Variants in WLS observed in about 807,000 individuals in gnomAD.
The protein encoded by WLS is protein wntless homolog.
In WLS, 23 loss-of-function variants were observed where a neutral mutation model predicts 62.8. The ratio of observed to expected loss-of-function variants is 0.37; its 90% CI spans 0.26 to 0.52. The LOEUF is 0.52. WLS is among the 20% of genes least tolerant of loss of function. The pLI, the probability that WLS is intolerant of heterozygous loss-of-function variation, is 0.92. For synonymous variants in WLS, 246 were observed against 244.1 expected (o/e 1.01, Z -0.07); for missense variants, 615 against 697.3 (o/e 0.88, Z 1.33).
intron 1 of WLS, among the ~76,000 whole-genome samples, chr1:68,213,005 GT>G (rs1395019860): frequency 1.3e-5 from 2 of 152,260 alleles, no homozygotes; most frequent in East Asian, 3.9e-4. Flanking sequence ...CTAATGATAG[GT>G]AACCTAACAT....
At chr1:68,215,108 T>C (rs969788122) in intron 1 of WLS, among the ~76,000 whole-genome samples, 2 of 152,138 alleles carry the variant, frequency 1.3e-5, no homozygotes, top group African/African-American at 4.8e-5. Context: ...TTAAGGCACA[T>C]GGACTGAGAG....
chr1:68,144,537 A>T (rs563936062), intron 10 of WLS, 32 bp downstream of exon 10: 55 of 1,600,276 alleles, frequency 3.4e-5, no homozygotes, highest in Non-Finnish European at 4.5e-5. Flanking sequence ...CTGCAGAGAC[A>T]TTCTCACCTT....
At chr1:68,205,895 T>A (rs963573182) in intron 1 of WLS, among the ~76,000 whole-genome samples, 1 of 152,194 alleles carries the variant, frequency 6.6e-6, no homozygotes, top group African/African-American at 2.4e-5. Flanking sequence ...GTGAATCACA[T>A]ATGAAAGTTC....
chr1:68,147,173 G>A (rs1646763359), intron 8 of WLS, among the ~76,000 whole-genome samples: 1 of 152,172 alleles, frequency 6.6e-6, no homozygotes, highest in South Asian at 2.1e-4. Context: ...CTGGAATGAA[G>A]GGAATATAGT....
chr1:68,186,501 T>TAAAA, intron 2 of WLS: 1 of 355,622 alleles, frequency 2.8e-6, no homozygotes, highest in Non-Finnish European at 5.6e-6. Flanking sequence ...CACGAAAAGT[T>TAAAA]AAAAAAAAAA....
At chr1:68,131,474 G>A (rs1388559559) in intron 11 of WLS, among the ~76,000 whole-genome samples, 1 of 151,802 alleles carries the variant, frequency 6.6e-6, no homozygotes, top group Non-Finnish European at 1.5e-5. Flanking sequence ...TGGCTTTGGT[G>A]GACAGGGTTA....
chr1:68,159,289 A>T (rs772299185), intron 2 of WLS, 42 bp from the exon 3 acceptor site: 11 of 1,595,214 alleles, frequency 6.9e-6, no homozygotes, highest in African/African-American at 1.4e-5. Flanking sequence ...GACTTTTGGA[A>T]AGATATTTTA....
chr1:68,129,255 G>A (rs1417398022), intron 11 of WLS, among the ~76,000 whole-genome samples: 1 of 152,194 alleles, frequency 6.6e-6, no homozygotes, highest in Non-Finnish European at 1.5e-5. Flanking sequence ...AACCCGGAAG[G>A]CGGAGGTTGC....
At chr1:68,164,072 C>T (rs759444188) in intron 2 of WLS, among the ~76,000 whole-genome samples, 16 of 152,130 alleles carry the variant, frequency 1.1e-4, no homozygotes, top group Admixed American at 2.0e-4. Flanking sequence ...AGGAAACCCT[C>T]GATGAACATC....
chr1:68,103,097 C>T (rs1038039877), intron 11 of WLS, among the ~76,000 whole-genome samples: 1 of 152,192 alleles, frequency 6.6e-6, no homozygotes, highest in Non-Finnish European at 1.5e-5. Context: ...CTGCCTAGCG[C>T]TCTTTCTGCT....
intron 1 of WLS, chr1:68,231,716 C>T (rs747476415): frequency 2.2e-6 from 1 of 460,240 alleles, no homozygotes; most frequent in South Asian, 1.5e-5. Context: ...GCAAGTATCT[C>T]AGCCTTGTAA....
intron 3 of WLS, among the ~76,000 whole-genome samples, chr1:68,155,885 C>A: frequency 6.6e-6 from 1 of 151,966 alleles, no homozygotes; most frequent in East Asian, 1.9e-4. Flanking sequence ...CCAGAGATAC[C>A]CACTAAGAAT....
intron 2 of WLS, among the ~76,000 whole-genome samples, chr1:68,176,888 G>A (rs1395229514): frequency 6.6e-6 from 1 of 152,164 alleles, no homozygotes; most frequent in African/African-American, 2.4e-5. Context: ...AGCCTGCAGA[G>A]GAGATGCATA....
rs780251073 is a variant in WLS at position 68,159,250 on chromosome 1, G to A, written c.380-3C>T. The A allele has an allele frequency of 3.1e-6, 5 of 1,611,596 alleles. No individual in the cohort carries two copies. Among genetic ancestry groups the A allele is most frequent in the Non-Finnish European group, 4.2e-6 (5 of 1,179,378 alleles). On this transcript the variant is annotated splice_polypyrimidine_tract_variant and splice_region_variant and intron_variant, in intron 2 of 11. Coordinates refer to ENST00000262348, the MANE Select transcript of WLS (RefSeq NM_024911.7). ...CATGGAGACTTCTGCATTTTCTCCTGCAAGAGAAAGGATGCACGTTTCAGA... is the reference window on the plus strand; with the variant it reads ...CATGGAGACTTCTGCATTTTCTCCTACAAGAGAAAGGATGCACGTTTCAGA...
intron 2 of WLS, chr1:68,161,762 C>A (rs1208038525): frequency 3.8e-6 from 6 of 1,597,408 alleles, no homozygotes; most frequent in Non-Finnish European, 5.1e-6. Context: ...TGCTATTGCT[C>A]GTTGGAGTGC....
intron 1 of WLS, among the ~76,000 whole-genome samples, chr1:68,203,515 G>C (rs1394305147): frequency 1.3e-5 from 2 of 152,286 alleles, no homozygotes; most frequent in Admixed American, 6.5e-5. Context: ...TACAGTCAGG[G>C]ACAGAGTACC....
intron 11 of WLS, among the ~76,000 whole-genome samples, chr1:68,136,846 C>A (rs1009082814): frequency 6.6e-6 from 1 of 152,178 alleles, no homozygotes; most frequent in Non-Finnish European, 1.5e-5. Context: ...AAAGGTGAGG[C>A]CAACCCTTGG....
intron 1 of WLS, among the ~76,000 whole-genome samples, chr1:68,224,885 C>A (rs1032508403): frequency 6.6e-6 from 1 of 152,168 alleles, no homozygotes; most frequent in African/African-American, 2.4e-5. Flanking sequence ...AGGAAGGTAG[C>A]ATTAAGCTTA....
chr1:68,152,082 AC>A (rs1468023467), intron 5 of WLS, among the ~76,000 whole-genome samples: 1 of 152,200 alleles, frequency 6.6e-6, no homozygotes, highest in East Asian at 1.9e-4. Flanking sequence ...ACTCACTGCT[AC>A]ATTTCCAGTC....
Sources: allele counts gnomAD v4.1 joint callset (sites outside exome capture counted in the v4.1 genomes callset), GRCh38; gene constraint gnomAD v4.1.1; transcripts MANE v1.5; gene names NCBI Gene and HGNC (gene_info 2026-07-23, HGNC 2026-07-21).